PPP2R1B: variants seen among roughly 807,000 people sequenced by gnomAD.
PPP2R1B encodes serine/threonine-protein phosphatase 2A 65 kDa regulatory subunit A beta isoform.
Under a neutral mutation model 72.7 loss-of-function variants are expected in PPP2R1B, and 58 were observed. The observed-to-expected ratio is 0.80, with a 90% CI of 0.65 to 0.99. PPP2R1B has a LOEUF of 0.99. PPP2R1B is among the 50% of genes least tolerant of loss of function. PPP2R1B has a pLI of 0.00. For synonymous variants in PPP2R1B, 256 were observed against 264.6 expected (o/e 0.97, Z 0.32); for missense variants, 695 against 733.6 (o/e 0.95, Z 0.61).
the PPP2R1B span, among the ~76,000 whole-genome samples, chr11:111,704,124 G>T: frequency 6.6e-6 from 1 of 152,150 alleles, no homozygotes; most frequent in African/African-American, 2.4e-5. Context: ...CCTTTCCCCC[G>T]CCACGTAGCC....
intron 3 of PPP2R1B, chr11:111,761,354 A>T: frequency 4.4e-6 from 2 of 450,894 alleles, no homozygotes; most frequent in Non-Finnish European, 8.4e-6. Flanking sequence ...TTGAATCACT[A>T]GGTTTAAAAG....
chr11:111,721,833 G>A, the PPP2R1B span: 1 of 1,606,262 alleles, frequency 6.2e-7, no homozygotes. Flanking sequence ...TCCTCAGGAA[G>A]AAGTTTCTCA....
At position 111,743,547 on chromosome 11, in the gene PPP2R1B, A is replaced by G; in HGVS notation, c.1400-17T>C. 6.3e-7 allele frequency: 1 copy of G among 1,592,628 alleles called. No individual in the cohort carries two copies. On this transcript the variant is annotated splice_polypyrimidine_tract_variant and intron_variant, in intron 11 of 14. Coordinates refer to ENST00000527614, the MANE Select transcript of PPP2R1B (RefSeq NM_002716.5). ...TGGCGTATACTGCAGAAGAGGTCAA[A>G]AACATGTTCTCATATCGCTTATTGT...
the PPP2R1B span, among the ~76,000 whole-genome samples, chr11:111,713,582 A>T: frequency 6.6e-6 from 1 of 152,210 alleles, no homozygotes; most frequent in Non-Finnish European, 1.5e-5. Context: ...TGAGTGAGAC[A>T]TGAACTCTGC....
At chr11:111,757,661 C>G (rs921684773) in intron 5 of PPP2R1B, among the ~76,000 whole-genome samples, 2 of 151,940 alleles carry the variant, frequency 1.3e-5, no homozygotes, top group African/African-American at 4.8e-5. Flanking sequence ...CAGTGAAACC[C>G]CATCTGTACT....
Position 111,766,253 on chromosome 11 carries a change from C to G in PPP2R1B, c.109G>C (p.Val37Leu). 2.5e-6 allele frequency: 4 copies of G among 1,613,906 alleles called. No individual in the cohort carries two copies. The highest frequency in any genetic ancestry group is 3.4e-6 in the Non-Finnish European group (4 of 1,179,848). ...CCCCGGCCTCAGTCCAGTACCTGCACGTCTTCATTGCGGAGCTCGTCGATT... is the reference window on the plus strand; with the variant it reads ...CCCCGGCCTCAGTCCAGTACCTGCAGGTCTTCATTGCGGAGCTCGTCGATT... ...VLIDELRNEDVQLRLNSIKKL... is the reference protein window; with the variant it reads ...VLIDELRNEDLQLRLNSIKKL... Residue 37 changes from valine (V) to leucine (L), a missense_variant, in exon 1 of 15, where the codon GTG becomes CTG. Val to Leu is a conservative substitution (Grantham distance 32, BLOSUM62 1). Transcript: ENST00000527614.
chr11:111,742,559 T>C lies in PPP2R1B; in HGVS notation c.1661A>G (p.Lys554Arg), dbSNP rs1042571689. ...AATTGGTCCAATCTTTTGTAGAGATTTGGCCACATTGAAGCGAACATTTGC... is the reference window on the plus strand; with the variant it reads ...AATTGGTCCAATCTTTTGTAGAGATCTGGCCACATTGAAGCGAACATTTGC... ...QVANVRFNVAKSLQKIGPILD... is the reference protein window; with the variant it reads ...QVANVRFNVARSLQKIGPILD... Residue 554 changes from lysine (K) to arginine (R), a missense_variant, in exon 13 of 15, where the codon AAA becomes AGA. Physicochemically the swap from Lys to Arg is conservative, Grantham distance 26. Transcript: ENST00000527614. 10 of 1,613,870 alleles carry C rather than the reference T, an allele frequency of 6.2e-6. No individual in the cohort carries two copies. The East Asian group carries it at 6.7e-5, about 11-fold the overall frequency.
chr11:111,757,297 C>T (rs1555050031), intron 5 of PPP2R1B, among the ~76,000 whole-genome samples: 1 of 152,080 alleles, frequency 6.6e-6, no homozygotes, highest in East Asian at 1.9e-4. Context: ...TATACACATA[C>T]TTGAGAGACA....
chr11:111,697,689 A>G, the PPP2R1B span, among the ~76,000 whole-genome samples: 7 of 152,198 alleles, frequency 4.6e-5, no homozygotes, highest in Non-Finnish European at 8.8e-5. Flanking sequence ...CATTCTTCAG[A>G]TGATTACAAA....
the PPP2R1B span, chr11:111,701,571 A>T: frequency 6.2e-7 from 1 of 1,613,710 alleles, no homozygotes; most frequent in Non-Finnish European, 8.5e-7. This position sits in a 1 kb window ranked among gnomAD's most constrained non-coding sequence, Gnocchi z 4.2. Flanking sequence ...ATTTCATGTC[A>T]GAAGGTAATC....
chr11:111,742,326 A>G (rs1256844770), intron 13 of PPP2R1B, 182 bp from the exon 14 acceptor site: 2 of 761,054 alleles, frequency 2.6e-6, no homozygotes, highest in Admixed American at 6.0e-5. Flanking sequence ...TCAGACAAGG[A>G]TCTACACATT....
At chr11:111,692,556 G>A in the PPP2R1B span, among the ~76,000 whole-genome samples, 28 of 151,908 alleles carry the variant, frequency 1.8e-4, no homozygotes, top group African/African-American at 6.3e-4. Context: ...CAGGAGAGGC[G>A]GGCATGGGCC....
chr11:111,720,826 G>C, the PPP2R1B span: 1 of 1,577,306 alleles, frequency 6.3e-7, no homozygotes, highest in Non-Finnish European at 8.6e-7. Context: ...TTGCCATGTT[G>C]GTGTGGTCAC....
chr11:111,760,084 C>G, intron 4 of PPP2R1B, 133 bp from the exon 5 acceptor site: 1 of 998,238 alleles, frequency 1.0e-6, no homozygotes, highest in Non-Finnish European at 1.4e-6. Flanking sequence ...ATAGAAGTAA[C>G]AAAAATAAAA....
At chr11:111,766,115 C>G in intron 1 of PPP2R1B, 133 bp downstream of exon 1, 1 of 813,504 alleles carries the variant, frequency 1.2e-6, no homozygotes, top group Non-Finnish European at 2.0e-6. Context: ...CATTCCCCGC[C>G]TCCCCTTCAA....
intron 11 of PPP2R1B, among the ~76,000 whole-genome samples, chr11:111,745,211 C>A (rs900067946): frequency 3.3e-5 from 5 of 151,968 alleles, no homozygotes; most frequent in Non-Finnish European, 7.4e-5. Flanking sequence ...GCCAACACAT[C>A]CAGCTAATTT....
intron 3 of PPP2R1B, 153 bp from the exon 4 acceptor site, chr11:111,761,204 G>T (rs1945313598): frequency 2.6e-6 from 2 of 761,442 alleles, no homozygotes; most frequent in Non-Finnish European, 4.5e-6. Flanking sequence ...CTCACACAGT[G>T]ATAACATATG....
chr11:111,704,973 G>T, the PPP2R1B span: 3 of 1,591,532 alleles, frequency 1.9e-6, no homozygotes, highest in East Asian at 2.3e-5. Context: ...TTTACCACTT[G>T]TTTTTTATTT....
At chr11:111,761,712 C>A (rs1555051517) in intron 3 of PPP2R1B, among the ~76,000 whole-genome samples, 3 of 152,180 alleles carry the variant, frequency 2.0e-5, no homozygotes, top group Non-Finnish European at 1.5e-5. Context: ...GTAATCCCAG[C>A]CGTCGGGAGG....
Sources: allele counts gnomAD v4.1 joint callset (sites outside exome capture counted in the v4.1 genomes callset), GRCh38; gene constraint gnomAD v4.1.1; non-coding constraint Gnocchi (gnomAD v3.1); transcripts MANE v1.5; gene names NCBI Gene and HGNC (gene_info 2026-07-23, HGNC 2026-07-21).